Variants in GFI1B observed in about 807,000 individuals in gnomAD.
The protein encoded by GFI1B is zinc finger protein Gfi-1b.
GFI1B carries 20 observed loss-of-function variants against 35.3 expected under a neutral mutation model. That is an observed-to-expected ratio of 0.57 (90% CI 0.40 to 0.82). GFI1B has a LOEUF of 0.82. Ranked by LOEUF, GFI1B falls within the 40% of genes least tolerant of loss-of-function variation. GFI1B has a pLI of 0.00. For missense variants in GFI1B, 430 were observed against 446.3 expected (o/e 0.96, Z 0.33); for synonymous variants, 178 against 177.6 (o/e 1.00, Z -0.02).
At position 132,988,308 on chromosome 9, in the gene GFI1B, A is replaced by G; in HGVS notation, c.350A>G (p.His117Arg). ...SWDTLATTYGHSYRQAPSTMQ... is the reference protein window; with the variant it reads ...SWDTLATTYGRSYRQAPSTMQ... ...GACACCTTGGCCACAACCTATGGCC[A>G]CAGCTACCGGCAGGCCCCCTCCACC... The change falls in exon 4 of 7, where the codon CAC (histidine) becomes CGC (arginine). Residue 117 changes from histidine (H) to arginine (R), a missense_variant. Coordinates refer to ENST00000372122, the MANE Select transcript of GFI1B (RefSeq NM_001377304.1). The G allele has an allele frequency of 3.7e-6, 6 of 1,614,198 alleles. No homozygotes were observed. Among genetic ancestry groups the G allele is most frequent in the Non-Finnish European group, 5.1e-6 (6 of 1,180,026 alleles).
rs2118906482 is a variant in GFI1B, at chr9:132,989,978, G to A, written c.814+71G>A. 1.5e-6 allele frequency: 2 copies of A among 1,375,206 alleles called. No homozygotes were observed. Among genetic ancestry groups the A allele is most frequent in the Non-Finnish European group, 2.1e-6 (2 of 970,016 alleles). 85.2% of individuals were successfully genotyped at this position (1,375,206 alleles called of 1,614,324 possible). A position where few individuals can be genotyped will look rare whatever the true frequency, so the allele number is the denominator to read the frequency against. ...ACCTTTCCCTGAGAGATGCATCAGA[G>A]GCCCCCAGCGTGAGGCTGGGGGCGG... On this transcript the variant is annotated intron_variant, in intron 6 of 6. Coordinates refer to ENST00000372122, the MANE Select transcript of GFI1B (RefSeq NM_001377304.1). This position sits in a 1 kb window ranked among gnomAD's most constrained non-coding sequence, Gnocchi z 6.2.
At chr9:132,949,846 T>G (rs1848173908) in intron 1 of GFI1B, 1 of 152,270 alleles carries the variant, frequency 6.6e-6, no homozygotes, top group Non-Finnish European at 1.5e-5. Context: ...AATTCCACTT[T>G]TTCATGCCTG....
chr9:132,990,539 T>C (rs918063279), intron 6 of GFI1B, among the ~76,000 whole-genome samples: 1 of 152,272 alleles, frequency 6.6e-6, no homozygotes, highest in Non-Finnish European at 1.5e-5. Context: ...ATTCCTTCAC[T>C]CATTCATTCA....
intron 1 of GFI1B, chr9:132,945,757 T>A (rs1848068896): frequency 6.6e-6 from 1 of 152,232 alleles, no homozygotes; most frequent in African/African-American, 2.4e-5. Context: ...CCGCGATGAC[T>A]TTTGCATCAA....
chr9:132,971,695 C>A (rs772653846), intron 1 of GFI1B, among the ~76,000 whole-genome samples: 4 of 152,096 alleles, frequency 2.6e-5, no homozygotes, highest in African/African-American at 9.7e-5. Flanking sequence ...TACTGTTGGC[C>A]GGGCATGGTG....
intron 1 of GFI1B, among the ~76,000 whole-genome samples, chr9:132,985,218 C>A (rs952490376): frequency 8.5e-5 from 13 of 152,178 alleles, no homozygotes; most frequent in African/African-American, 3.1e-4. Context: ...GGATGTGAAC[C>A]ATTCTGGGGG....
downstream of GFI1B, among the ~76,000 whole-genome samples, chr9:132,993,201 G>C (rs184208741): frequency 3.9e-3 from 591 of 152,326 alleles, 3 homozygotes; most frequent in African/African-American, 0.014. Context: ...AGCTGAGGCA[G>C]GAGAACTGCT....
chr9:132,987,597 G>T (rs2073579), intron 3 of GFI1B, among the ~76,000 whole-genome samples, 178 bp downstream of exon 3: 3 of 151,830 alleles, frequency 2.0e-5, no homozygotes, highest in Non-Finnish European at 4.4e-5. Flanking sequence ...GCTAATTCCC[G>T]GATGTGGGCT....
intron 1 of GFI1B, among the ~76,000 whole-genome samples, chr9:132,955,808 ATGTG>A (rs3049917): frequency 0.16 from 23,200 of 146,398 alleles, 1,887 homozygotes; most frequent in African/African-American, 0.21. Context: ...GTGTGTGTGC[ATGTG>A]TGTGTGTGTG....
chr9:132,977,581 A>G (rs1203581142), upstream of GFI1B, among the ~76,000 whole-genome samples: 1 of 152,242 alleles, frequency 6.6e-6, no homozygotes, highest in Non-Finnish European at 1.5e-5. Flanking sequence ...GCAGCCTAAC[A>G]GTGCTCTGTT....
At chr9:132,955,046 G>T (rs923802888) in intron 1 of GFI1B, among the ~76,000 whole-genome samples, 2 of 152,044 alleles carry the variant, frequency 1.3e-5, no homozygotes, top group African/African-American at 4.8e-5. Context: ...AAAAAACTGA[G>T]AAAAAATATT....
At chr9:132,968,356 G>A (rs893492086) in intron 1 of GFI1B, among the ~76,000 whole-genome samples, 10 of 150,750 alleles carry the variant, frequency 6.6e-5, no homozygotes, top group African/African-American at 4.9e-5. Flanking sequence ...TCCTGGGCTC[G>A]AGCAATCCTC....
chr9:132,962,091 C>CAA (rs1848374663), intron 1 of GFI1B, among the ~76,000 whole-genome samples: 1 of 149,898 alleles, frequency 6.7e-6, no homozygotes, highest in African/African-American at 2.5e-5. Flanking sequence ...CACACACACA[C>CAA]AACCCTACAC....
chr9:132,971,910 G>A (rs1039264965), intron 1 of GFI1B, among the ~76,000 whole-genome samples: 1 of 150,202 alleles, frequency 6.7e-6, no homozygotes, highest in Non-Finnish European at 1.5e-5. Context: ...GGAGGCAGAG[G>A]TTGCAGTGAG....
intron 1 of GFI1B, among the ~76,000 whole-genome samples, chr9:132,966,456 A>C (rs1848451869): frequency 6.6e-6 from 1 of 152,248 alleles, no homozygotes; most frequent in Non-Finnish European, 1.5e-5. Context: ...TAAGGAGAGA[A>C]GACAAATCAC....
chr9:132,954,723 A>AC (rs1564522815), intron 1 of GFI1B, among the ~76,000 whole-genome samples: 1 of 145,214 alleles, frequency 6.9e-6, no homozygotes, highest in East Asian at 2.0e-4. Context: ...CATCTGGCCA[A>AC]TTTTTTTTTT....
chr9:132,945,903 G>A (rs1409914055), intron 1 of GFI1B: 1 of 152,226 alleles, frequency 6.6e-6, no homozygotes, highest in Non-Finnish European at 1.5e-5. Context: ...GAACCAATTG[G>A]GTCACAGTGC....
intron 1 of GFI1B, chr9:132,962,577 C>T: frequency 1.9e-6 from 1 of 514,998 alleles, no homozygotes; most frequent in Non-Finnish European, 4.0e-6. Context: ...AAAATCATCC[C>T]ATTTCCCAGT....
At chr9:132,983,382 A>G (rs971613138) in intron 1 of GFI1B, among the ~76,000 whole-genome samples, 1 of 151,656 alleles carries the variant, frequency 6.6e-6, no homozygotes, top group African/African-American at 2.4e-5. Context: ...TTTTTTGTAG[A>G]GACGAGGTTT....
Sources: allele counts gnomAD v4.1 joint callset (sites outside exome capture counted in the v4.1 genomes callset), GRCh38; gene constraint gnomAD v4.1.1; non-coding constraint Gnocchi (gnomAD v3.1); transcripts MANE v1.5; gene names NCBI Gene and HGNC (gene_info 2026-07-23, HGNC 2026-07-21).